ICA1L: variants seen among roughly 807,000 people sequenced by gnomAD.
ICA1L encodes islet cell autoantigen 1-like protein.
Under a neutral mutation model 61.3 loss-of-function variants are expected in ICA1L, and 50 were observed. The observed-to-expected ratio is 0.82, with a 90% CI of 0.65 to 1.03. The LOEUF is 1.03. Among genes scored for constraint, ICA1L ranks in the 50% least tolerant of loss-of-function variants. ICA1L has a pLI of 0.00. For synonymous variants in ICA1L, 161 were observed against 191.3 expected, an observed-to-expected ratio of 0.84 and a Z score of 1.31; for missense variants, 508 against 556.7, an observed-to-expected ratio of 0.91 and a Z score of 0.88.
Position 202,774,315 on chromosome 2 carries a change from G to T in ICA1L, c.*5218C>A. On this transcript the variant is annotated 3_prime_UTR_variant, in exon 13 of 13. Transcript: ENST00000358299. ...CGGGCGACCGCGGACGGCGGCGCGCGCGTTCCCCGCAGCGCTGAGGCGAGC... is the reference window on the plus strand; with the variant it reads ...CGGGCGACCGCGGACGGCGGCGCGCTCGTTCCCCGCAGCGCTGAGGCGAGC... 1.3e-6 allele frequency: 2 copies of T among 1,491,784 alleles called. No homozygotes were observed. Among genetic ancestry groups the T allele is most frequent in the Non-Finnish European group, 1.8e-6 (2 of 1,127,456 alleles). 92.4% of individuals were successfully genotyped at this position (1,491,784 alleles called of 1,614,324 possible). A position where few individuals can be genotyped will look rare whatever the true frequency, so the allele number is the denominator to read the frequency against.
chr2:202,865,641 G>A (rs1337556480), intron 1 of ICA1L, among the ~76,000 whole-genome samples: 6 of 152,170 alleles, frequency 3.9e-5, no homozygotes, highest in Non-Finnish European at 2.9e-5. Context: ...CAGGTGACAT[G>A]ATTATGTATG....
rs754877002 is a variant in ICA1L, at chr2:202,825,806, A to G, written c.163-39T>C. 2.4e-6 allele frequency: 3 copies of G among 1,263,552 alleles called. No individual in the cohort carries two copies. In the Admixed American group the frequency reaches 6.8e-5, roughly 29 times the overall value. 78.3% of individuals were successfully genotyped at this position (1,263,552 alleles called of 1,614,324 possible). A position where few individuals can be genotyped will look rare whatever the true frequency, so the allele number is the denominator to read the frequency against. ...TTTTATTAGGACAATTTAAAGAACTATAAACAAATATATGTTATAAGCACC... is the reference window on the plus strand; with the variant it reads ...TTTTATTAGGACAATTTAAAGAACTGTAAACAAATATATGTTATAAGCACC... On this transcript the variant is annotated intron_variant, in intron 2 of 12. Coordinates refer to ENST00000358299, the MANE Select transcript of ICA1L (RefSeq NM_001288622.3).
intron 9 of ICA1L, among the ~76,000 whole-genome samples, chr2:202,804,880 A>C (rs879714181): frequency 6.6e-6 from 1 of 152,352 alleles, no homozygotes; most frequent in Admixed American, 6.5e-5. Context: ...CTATTTCCAT[A>C]ATTTGGCAAT....
At chr2:202,802,148 T>A (rs1693101143) in intron 9 of ICA1L, among the ~76,000 whole-genome samples, 1 of 152,188 alleles carries the variant, frequency 6.6e-6, no homozygotes, top group African/African-American at 2.4e-5. Flanking sequence ...ATAGAACTTT[T>A]ATAAATAAAA....
Position 202,803,658 on chromosome 2 carries a change from C to A in ICA1L, c.911-6694G>T, listed in dbSNP as rs554128183. Among the ~76,000 whole-genome samples the A allele has an allele frequency of 3.9e-5, 6 of 152,128 alleles. No homozygotes were observed. In the South Asian group the frequency reaches 1.2e-3, roughly 32 times the overall value. On this transcript the variant is annotated intron_variant, in intron 9 of 12. Coordinates refer to ENST00000358299, the MANE Select transcript of ICA1L (RefSeq NM_001288622.3). The stretch of plus-strand genomic sequence containing the variant: ...TCAACTGATCGTTCCTCCTCAGTTT[C>A]TGGAGTAGCTGGGACTACAGGTGCA...
intron 9 of ICA1L, among the ~76,000 whole-genome samples, chr2:202,808,242 A>C (rs1693278869): frequency 6.6e-6 from 1 of 152,158 alleles, no homozygotes; most frequent in African/African-American, 2.4e-5. Flanking sequence ...AGGGGAGCCC[A>C]CTACCTTGAA....
At chr2:202,829,380 A>C (rs574745233) in intron 1 of ICA1L, 3 of 157,374 alleles carry the variant, frequency 1.9e-5, no homozygotes, top group South Asian at 2.0e-4. Context: ...AACAAACAAA[A>C]AAACCAAAAA....
chr2:202,783,919 G>A (rs546822958), intron 12 of ICA1L, among the ~76,000 whole-genome samples: 1 of 152,148 alleles, frequency 6.6e-6, no homozygotes, highest in South Asian at 2.1e-4. Context: ...GGGTGGGGAA[G>A]AAAGAGGATG....
chr2:202,806,619 G>A (rs1693234042), intron 9 of ICA1L, among the ~76,000 whole-genome samples: 1 of 151,342 alleles, frequency 6.6e-6, no homozygotes, highest in African/African-American at 2.4e-5. Flanking sequence ...GCACTCCGAC[G>A]TGGCTGACAG....
At chr2:202,789,222 G>A (rs1472623061) in intron 10 of ICA1L, 135 bp from the exon 11 acceptor site, 2 of 721,496 alleles carry the variant, frequency 2.8e-6, no homozygotes, top group East Asian at 5.6e-5. Flanking sequence ...TAAAGTGACT[G>A]GAAGTTTATG....
At chr2:202,786,519 G>A (rs1235772294) in intron 11 of ICA1L, among the ~76,000 whole-genome samples, 1 of 151,964 alleles carries the variant, frequency 6.6e-6, no homozygotes, top group East Asian at 1.9e-4. Flanking sequence ...ACTGCAGTCC[G>A]CAGTCCGGCC....
intron 1 of ICA1L, among the ~76,000 whole-genome samples, chr2:202,838,780 T>C (rs138516744): frequency 6.6e-6 from 1 of 152,230 alleles, no homozygotes; most frequent in African/African-American, 2.4e-5. Context: ...AATTGGCTCA[T>C]GGTTCTGCCG....
At position 202,774,210 on chromosome 2, in the gene ICA1L, G is replaced by A; in HGVS notation, c.*5323C>T. On this transcript the variant is annotated 3_prime_UTR_variant, in exon 13 of 13. Coordinates refer to ENST00000358299, the MANE Select transcript of ICA1L (RefSeq NM_001288622.3). Reference sequence around the variant, plus strand: ...CACACCAGGAACTCCAGCAGCGCCGGATCGAAGGCGCGGGGCGGCTCCTGA... The same window carrying A: ...CACACCAGGAACTCCAGCAGCGCCGAATCGAAGGCGCGGGGCGGCTCCTGA... 1 of 1,550,776 alleles carries A rather than the reference G, an allele frequency of 6.4e-7. No homozygotes were observed. Among genetic ancestry groups the A allele is most frequent in the Non-Finnish European group, 8.7e-7 (1 of 1,146,558 alleles).
At chr2:202,808,217 C>T (rs1435666447) in intron 9 of ICA1L, among the ~76,000 whole-genome samples, 1 of 152,114 alleles carries the variant, frequency 6.6e-6, no homozygotes, top group South Asian at 2.1e-4. Flanking sequence ...CATTTCTGGA[C>T]CTGCCCTGGG....
chr2:202,845,314 C>T (rs1448253154), intron 1 of ICA1L, among the ~76,000 whole-genome samples: 1 of 152,110 alleles, frequency 6.6e-6, no homozygotes, highest in Non-Finnish European at 1.5e-5. Context: ...AAAGGATAGG[C>T]TCAAGTAATT....
At chr2:202,800,887 C>G (rs896814454) in intron 9 of ICA1L, among the ~76,000 whole-genome samples, 1 of 151,952 alleles carries the variant, frequency 6.6e-6, no homozygotes, top group Non-Finnish European at 1.5e-5. Flanking sequence ...GCTGATTTAA[C>G]CTTAAGATAA....
At chr2:202,825,019 G>GTT (rs2105855665) in intron 3 of ICA1L, among the ~76,000 whole-genome samples, 1 of 152,232 alleles carries the variant, frequency 6.6e-6, no homozygotes, top group Admixed American at 6.5e-5. Context: ...ACTGGAGTGA[G>GTT]TACAAGAGAA....
In ICA1L at chr2:202,773,690, A is replaced by AAT; in HGVS notation, c.*5841_*5842dup. The stretch of plus-strand genomic sequence containing the variant: ...AGATAGATGCCCAAGAGCTATCATT[A>AAT]ATATATACAGCATATTGACTCTAGT... On this transcript the variant is annotated 3_prime_UTR_variant, in exon 13 of 13. Transcript: ENST00000358299. 2 of 911,442 alleles carry AAT rather than the reference A, an allele frequency of 2.2e-6. No individual in the cohort carries two copies. Among genetic ancestry groups the AAT allele is most frequent in the Non-Finnish European group, 3.5e-6 (2 of 576,862 alleles). The allele number at this position is 911,442 out of a possible 1,614,324, so 56.5% of individuals were successfully genotyped here.
At chr2:202,818,239 G>A (rs1352203130) in intron 5 of ICA1L, among the ~76,000 whole-genome samples, 3 of 152,184 alleles carry the variant, frequency 2.0e-5, no homozygotes, top group Non-Finnish European at 2.9e-5. Flanking sequence ...GAAGTCCTTG[G>A]TGAGATCATG....
Sources: gnomAD v4.1 joint callset for allele counts (sites outside exome capture counted in the v4.1 genomes callset) on GRCh38, gnomAD v4.1.1 for gene constraint, MANE v1.5 for transcripts, NCBI Gene and HGNC (gene_info 2026-07-23, HGNC 2026-07-21) for gene names.